Variants in PIK3CB observed in about 807,000 individuals in gnomAD.
PIK3CB encodes the protein phosphatidylinositol 4,5-bisphosphate 3-kinase catalytic subunit beta isoform.
In PIK3CB, 39 loss-of-function variants were observed where a neutral mutation model predicts 136.8. That is an observed-to-expected ratio of 0.29 (90% CI 0.22 to 0.37). The LOEUF (loss-of-function observed/expected upper bound fraction) is 0.37. Ranked by LOEUF, PIK3CB falls within the 10% of genes least tolerant of loss-of-function variation. The pLI is 1.00. For missense variants in PIK3CB, 868 were observed against 1,275.4 expected (o/e 0.68, Z 4.87); for synonymous variants, 428 against 436.6 (o/e 0.98, Z 0.25).
chr3:138,710,794 A>G (rs1298973005), intron 10 of PIK3CB, among the ~76,000 whole-genome samples: 7 of 152,166 alleles, frequency 4.6e-5, no homozygotes, highest in Admixed American at 4.6e-4. Flanking sequence ...CTAAAGAAAA[A>G]GTGTTTTAGG....
chr3:138,741,655 C>T (rs2045247694), intron 5 of PIK3CB, among the ~76,000 whole-genome samples: 1 of 152,012 alleles, frequency 6.6e-6, no homozygotes, highest in South Asian at 2.1e-4. Context: ...TGATGAAACC[C>T]CATCTCTACT....
rs1330426932 is a variant in PIK3CB at position 138,666,533 on chromosome 3, T to C, written c.2505-1330A>G. ...GCTATTTACATTCTTTGCCTATTTA[T>C]TAGGGCTTTAGACATTTTCTTCAGT... On this transcript the variant is annotated intron_variant, in intron 19 of 23. Transcript: ENST00000674063. Among the ~76,000 whole-genome samples, 8 of 152,334 alleles carry C rather than the reference T, an allele frequency of 5.3e-5. No individual in the cohort carries two copies. The East Asian group carries it at 1.5e-3, about 29-fold the overall frequency.
chr3:138,816,476 C>A (rs543462405), intron 1 of PIK3CB, among the ~76,000 whole-genome samples: 138 of 151,886 alleles, frequency 9.1e-4, no homozygotes, highest in Non-Finnish European at 8.4e-4. Context: ...CACCTGTAAT[C>A]CCAGCTACTC....
intron 21 of PIK3CB, among the ~76,000 whole-genome samples, chr3:138,660,876 G>C (rs1221235078): frequency 6.6e-6 from 1 of 152,114 alleles, no homozygotes; most frequent in Non-Finnish European, 1.5e-5. Context: ...ATTTAACAAT[G>C]AATCACTAAA....
intron 2 of PIK3CB, among the ~76,000 whole-genome samples, chr3:138,794,741 T>C (rs1262091759): frequency 6.6e-6 from 1 of 152,126 alleles, no homozygotes; most frequent in African/African-American, 2.4e-5. Context: ...AGATAAACAA[T>C]AAATATATAG....
At chr3:138,820,971 C>T (rs1933533979) in intron 1 of PIK3CB, among the ~76,000 whole-genome samples, 2 of 151,878 alleles carry the variant, frequency 1.3e-5, no homozygotes, top group Non-Finnish European at 2.9e-5. Context: ...GTGAGTATAC[C>T]AATAGGATAA....
intron 19 of PIK3CB, among the ~76,000 whole-genome samples, chr3:138,675,241 T>A (rs1261072853): frequency 2.0e-5 from 3 of 152,106 alleles, no homozygotes; most frequent in African/African-American, 4.8e-5. Flanking sequence ...ATTGGCAAAC[T>A]TGTGGATAGG....
At chr3:138,769,059 G>C (rs1185239440) in intron 2 of PIK3CB, among the ~76,000 whole-genome samples, 5 of 152,098 alleles carry the variant, frequency 3.3e-5, no homozygotes, top group Non-Finnish European at 7.4e-5. Flanking sequence ...CCCACAGTTT[G>C]GGTAGCTGCA....
chr3:138,691,827 A>G (rs2044015178), intron 14 of PIK3CB, among the ~76,000 whole-genome samples: 1 of 152,210 alleles, frequency 6.6e-6, no homozygotes, highest in African/African-American at 2.4e-5. Context: ...TAGGTACTTT[A>G]ATACTGATTT....
Position 138,657,976 on chromosome 3 carries a change from G to A in PIK3CB, c.2797-141C>T, listed in dbSNP as rs144725908. Reference sequence around the variant, plus strand: ...TCTCCCTCTGTTTATAGCCCACTGAGCCAGGTGAGAAGAGACCATATCTAA... The same window carrying A: ...TCTCCCTCTGTTTATAGCCCACTGAACCAGGTGAGAAGAGACCATATCTAA... On this transcript the variant is annotated intron_variant, in intron 21 of 23. Coordinates refer to ENST00000674063, the MANE Select transcript of PIK3CB (RefSeq NM_006219.3). 1.1e-3 allele frequency: 775 copies of A among 675,762 alleles called. 1 individual carries two copies. The highest frequency in any genetic ancestry group is 1.5e-3 in the Non-Finnish European group (631 of 412,430). 41.9% of individuals were successfully genotyped at this position (675,762 alleles called of 1,614,324 possible). A position where few individuals can be genotyped will look rare whatever the true frequency, so the allele number is the denominator to read the frequency against.
At chr3:138,669,609 T>C (rs2043491979) in intron 19 of PIK3CB, among the ~76,000 whole-genome samples, 1 of 152,144 alleles carries the variant, frequency 6.6e-6, no homozygotes, top group South Asian at 2.1e-4. Flanking sequence ...AAGATTTGCT[T>C]ATTACTTCTT....
chr3:138,815,003 G>C (rs1933241005), intron 1 of PIK3CB, among the ~76,000 whole-genome samples: 1 of 151,566 alleles, frequency 6.6e-6, no homozygotes, highest in Non-Finnish European at 1.5e-5. Context: ...AGCCGGGCAT[G>C]GTGGCAGGCG....
chr3:138,828,111 T>C (rs749999709), intron 1 of PIK3CB, among the ~76,000 whole-genome samples: 3 of 152,102 alleles, frequency 2.0e-5, no homozygotes, highest in Non-Finnish European at 2.9e-5. Flanking sequence ...AGGATATACA[T>C]TGTACATTCA....
At chr3:138,768,684 A>G (rs1355522577) in intron 2 of PIK3CB, among the ~76,000 whole-genome samples, 1 of 152,168 alleles carries the variant, frequency 6.6e-6, no homozygotes, top group Non-Finnish European at 1.5e-5. Context: ...AGCTGCCCTC[A>G]GCCTCCCCTC....
At chr3:138,809,099 C>A (rs1259010659) in intron 1 of PIK3CB, among the ~76,000 whole-genome samples, 1 of 151,308 alleles carries the variant, frequency 6.6e-6, no homozygotes, top group Non-Finnish European at 1.5e-5. Context: ...CATGGTGAAA[C>A]CCCATCTCTA....
At chr3:138,743,930 C>A (rs543294724) in intron 4 of PIK3CB, among the ~76,000 whole-genome samples, 133 of 152,234 alleles carry the variant, frequency 8.7e-4, no homozygotes, top group African/African-American at 3.1e-3. Context: ...GCCTTACCAA[C>A]AACATAGTCA....
At chr3:138,750,379 G>A (rs1480012384) in intron 4 of PIK3CB, among the ~76,000 whole-genome samples, 2 of 152,036 alleles carry the variant, frequency 1.3e-5, no homozygotes. Flanking sequence ...GGTGGTTTTG[G>A]GATGAAACTG....
At chr3:138,833,584 T>A (rs1027411102) in intron 1 of PIK3CB, among the ~76,000 whole-genome samples, 2 of 152,192 alleles carry the variant, frequency 1.3e-5, no homozygotes, top group Non-Finnish European at 2.9e-5. Flanking sequence ...TCTCCAAACT[T>A]CCATTCAGTG....
chr3:138,818,910 TTATA>T (rs1381602316), intron 1 of PIK3CB, among the ~76,000 whole-genome samples: 2 of 152,234 alleles, frequency 1.3e-5, no homozygotes, highest in South Asian at 4.1e-4. Context: ...TAGTACAAAA[TTATA>T]TATATGCTAA....
Sources: gnomAD v4.1 joint callset for allele counts (sites outside exome capture counted in the v4.1 genomes callset) on GRCh38, gnomAD v4.1.1 for gene constraint, MANE v1.5 for transcripts, NCBI Gene and HGNC (gene_info 2026-07-23, HGNC 2026-07-21) for gene names.